Variants in ABTB3 observed in about 807,000 individuals in gnomAD.
ABTB3 encodes the protein ankyrin repeat- and BTB/POZ domain-containing protein 3.
At chr12:107,319,372 CAA>C in the ABTB3 span, 3 of 1,575,622 alleles carry the variant, frequency 1.9e-6, no homozygotes, top group Non-Finnish European at 2.6e-6. Context: ...TGCGCATAGC[CAA>C]AGAGGCGCAG....
At chr12:107,604,035 G>T in the ABTB3 span, among the ~76,000 whole-genome samples, 1 of 152,100 alleles carries the variant, frequency 6.6e-6, no homozygotes, top group African/African-American at 2.4e-5. Flanking sequence ...CAGGTGTGGT[G>T]GCGGGCACCT....
chr12:107,581,212 C>T, the ABTB3 span: 6 of 1,534,590 alleles, frequency 3.9e-6, no homozygotes, highest in South Asian at 3.6e-5. Context: ...CGCACGCCGG[C>T]CACCGCCGCA....
the ABTB3 span, among the ~76,000 whole-genome samples, chr12:107,574,970 T>G: frequency 6.6e-6 from 1 of 152,192 alleles, no homozygotes; most frequent in Non-Finnish European, 1.5e-5. Context: ...ACCTCTTACC[T>G]CTACCATCTT....
At chr12:107,469,930 C>CTCTCTCTCTT in the ABTB3 span, among the ~76,000 whole-genome samples, 1 of 99,754 alleles carries the variant, frequency 1.0e-5, no homozygotes, top group African/African-American at 4.7e-5. Context: ...TTCTCTCTCT[C>CTCTCTCTCTT]TCTCTTTCTT....
At chr12:107,635,870 CCACACACACACACA>C in the ABTB3 span, among the ~76,000 whole-genome samples, 5 of 115,156 alleles carry the variant, frequency 4.3e-5, no homozygotes, top group Admixed American at 9.4e-5. Context: ...CCCCACCCAC[CCACACACACACACA>C]CACACACACA....
the ABTB3 span, chr12:107,520,293 T>C: frequency 3.0e-6 from 3 of 983,998 alleles, no homozygotes; most frequent in African/African-American, 5.2e-5. Context: ...AGTCAGGACT[T>C]TGAAGAGACC....
chr12:107,589,695 T>C, the ABTB3 span, among the ~76,000 whole-genome samples: 1 of 152,242 alleles, frequency 6.6e-6, no homozygotes, highest in Non-Finnish European at 1.5e-5. Context: ...GGGCATGGAC[T>C]ATTATAGAAG....
the ABTB3 span, among the ~76,000 whole-genome samples, chr12:107,482,664 C>T: frequency 2.0e-5 from 3 of 152,078 alleles, no homozygotes; most frequent in African/African-American, 7.2e-5. Context: ...CACTGGCGGC[C>T]TCTCCTGACA....
At chr12:107,511,063 T>G in the ABTB3 span, among the ~76,000 whole-genome samples, 1 of 152,126 alleles carries the variant, frequency 6.6e-6, no homozygotes, top group Non-Finnish European at 1.5e-5. Flanking sequence ...GGCCCTGAGA[T>G]GAAAATGTGT....
the ABTB3 span, chr12:107,319,193 C>T: frequency 6.3e-7 from 1 of 1,595,282 alleles, no homozygotes; most frequent in Non-Finnish European, 8.5e-7. Flanking sequence ...CTGCGCCGGC[C>T]AGCACTGCTC....
At chr12:107,606,081 C>T in the ABTB3 span, among the ~76,000 whole-genome samples, 1 of 152,118 alleles carries the variant, frequency 6.6e-6, no homozygotes, top group Non-Finnish European at 1.5e-5. Flanking sequence ...TGTGTGGAGT[C>T]ATAGGCATGG....
the ABTB3 span, among the ~76,000 whole-genome samples, chr12:107,654,290 G>T: frequency 1.8e-4 from 27 of 149,718 alleles, no homozygotes; most frequent in Admixed American, 6.6e-4. Flanking sequence ...GTTTTTTGGG[G>T]TTTTCTTTGT....
the ABTB3 span, among the ~76,000 whole-genome samples, chr12:107,442,536 A>G: frequency 6.6e-6 from 1 of 152,240 alleles, no homozygotes; most frequent in Middle Eastern, 3.2e-3. Flanking sequence ...AGGCTCCAAA[A>G]TGTTAGGAAA....
the ABTB3 span, among the ~76,000 whole-genome samples, chr12:107,434,388 G>A: frequency 9.2e-5 from 14 of 152,188 alleles, no homozygotes; most frequent in African/African-American, 2.4e-4. Flanking sequence ...GCATGTGGGC[G>A]AGACACCCAC....
the ABTB3 span, among the ~76,000 whole-genome samples, chr12:107,399,454 A>G: frequency 6.6e-6 from 1 of 152,030 alleles, no homozygotes; most frequent in Non-Finnish European, 1.5e-5. Context: ...CACCAGACTC[A>G]TACTCAGGGC....
the ABTB3 span, among the ~76,000 whole-genome samples, chr12:107,590,613 C>G: frequency 5.3e-5 from 8 of 152,356 alleles, 2 homozygotes; most frequent in African/African-American, 1.9e-4. Context: ...GGAAACCAGA[C>G]TGCAGGCGGC....
At chr12:107,559,449 A>G in the ABTB3 span, among the ~76,000 whole-genome samples, 1 of 148,778 alleles carries the variant, frequency 6.7e-6, no homozygotes, top group Non-Finnish European at 1.5e-5. Context: ...CCAGCATGGC[A>G]GGAACCAATG....
chr12:107,358,838 C>T, the ABTB3 span, among the ~76,000 whole-genome samples: 1 of 152,168 alleles, frequency 6.6e-6, no homozygotes, highest in Non-Finnish European at 1.5e-5. Flanking sequence ...GTGATTCACC[C>T]TCCTCGCCTT....
chr12:107,628,611 C>A, the ABTB3 span, among the ~76,000 whole-genome samples: 1 of 151,302 alleles, frequency 6.6e-6, no homozygotes, highest in Non-Finnish European at 1.5e-5. Flanking sequence ...ATAAGGAGGG[C>A]TTTTTTTTTC....
Sources: gnomAD v4.1 joint callset for allele counts (sites outside exome capture counted in the v4.1 genomes callset) on GRCh38, gnomAD v4.1.1 for gene constraint, MANE v1.5 for transcripts, NCBI Gene and HGNC (gene_info 2026-07-23, HGNC 2026-07-21) for gene names.